PHACTR2: variants seen among roughly 807,000 people sequenced by gnomAD.
The protein encoded by PHACTR2 is phosphatase and actin regulator 2, also known as chromosome 6 open reading frame 56.
A neutral mutation model predicts 76.0 loss-of-function variants in PHACTR2; 30 were observed. The observed-to-expected ratio is 0.39, with a 90% CI of 0.30 to 0.54. The LOEUF is 0.54. Among genes scored for constraint, PHACTR2 ranks in the 20% least tolerant of loss-of-function variants. The probability of loss-of-function intolerance (pLI) is 0.61; values close to 1 mark genes in which losing one functional copy is unlikely to be tolerated. For missense variants in PHACTR2, 696 were observed against 781.1 expected (o/e 0.89, Z 1.30); for synonymous variants, 292 against 292.5 (o/e 1.00, Z 0.02).
At chr6:143,660,320 G>A (rs982183012) in intron 1 of PHACTR2, among the ~76,000 whole-genome samples, 2 of 152,122 alleles carry the variant, frequency 1.3e-5, no homozygotes, top group African/African-American at 4.8e-5. Flanking sequence ...CAGAAGGCAA[G>A]GAGGAGCAAG....
At chr6:143,566,359 T>A (rs531001220) in intron 1 of PHACTR2, among the ~76,000 whole-genome samples, 15 of 151,794 alleles carry the variant, frequency 9.9e-5, no homozygotes, top group African/African-American at 3.4e-4. Flanking sequence ...AGTGGTACAA[T>A]CGTAGCTCAC....
intron 1 of PHACTR2, among the ~76,000 whole-genome samples, chr6:143,564,195 G>GGATATATA (rs1562685628): frequency 3.2e-5 from 1 of 31,210 alleles, no homozygotes; most frequent in Non-Finnish European, 7.0e-5. Flanking sequence ...GTGTGTGTGT[G>GGATATATA]CATATATATA....
chr6:143,774,439 AC>A lies in PHACTR2; in HGVS notation c.1589+225del, dbSNP rs1775226958. ...CCAAAGCCTATTCCAGGAGTCAAAA[AC>A]TTTTTTTTAAAGACCAGTTGGCAAA... On this transcript the variant is annotated intron_variant, in intron 8 of 12. Coordinates refer to ENST00000440869, the MANE Select transcript of PHACTR2 (RefSeq NM_001100164.2). The surrounding 1 kb of genome is among the most constrained non-coding windows in gnomAD (Gnocchi z 5.4). Among the ~76,000 whole-genome samples, 1 of 152,116 alleles carries A rather than the reference AC, an allele frequency of 6.6e-6. No individual in the cohort carries two copies. Among genetic ancestry groups the A allele is most frequent in the Admixed American group, 6.5e-5 (1 of 15,276 alleles).
chr6:143,713,550 G>A (rs904874679), intron 2 of PHACTR2, among the ~76,000 whole-genome samples: 3 of 152,216 alleles, frequency 2.0e-5, no homozygotes, highest in African/African-American at 7.2e-5. Context: ...TCTGGGTTAG[G>A]AGGCAGTGAG....
chr6:143,700,864 G>A lies in PHACTR2; in HGVS notation c.47-11152G>A, dbSNP rs1421003989. ...TATGACTAACATCTACGGGGAACAA[G>A]ATAGGTTGTTGGTTGATTCCTGTCA... On this transcript the variant is annotated intron_variant, in intron 1 of 12. Coordinates refer to ENST00000440869, the MANE Select transcript of PHACTR2 (RefSeq NM_001100164.2). The surrounding 1 kb of genome is among the most constrained non-coding windows in gnomAD (Gnocchi z 4.1). Among the ~76,000 whole-genome samples, 2 of 152,226 alleles carry A rather than the reference G, an allele frequency of 1.3e-5. No individual in the cohort carries two copies. The highest frequency in any genetic ancestry group is 2.1e-4 in the South Asian group (1 of 4,834).
At chr6:143,727,910 C>T (rs1778609898) in intron 2 of PHACTR2, among the ~76,000 whole-genome samples, 1 of 152,110 alleles carries the variant, frequency 6.6e-6, no homozygotes, top group Non-Finnish European at 1.5e-5. Context: ...AAGTTAAAAG[C>T]CTTTCCTCTA....
chr6:143,810,548 C>T (rs1341876302), intron 12 of PHACTR2: 3 of 453,662 alleles, frequency 6.6e-6, no homozygotes, highest in Non-Finnish European at 1.3e-5. Flanking sequence ...CTTTATTGAT[C>T]ACTTATTTTT....
intron 1 of PHACTR2, among the ~76,000 whole-genome samples, chr6:143,538,088 C>G (rs1437009613): frequency 6.8e-6 from 1 of 147,560 alleles, no homozygotes; most frequent in Non-Finnish European, 1.5e-5. Flanking sequence ...AGTGAGACTC[C>G]GTCTTACACA....
At chr6:143,660,406 C>A (rs1776928402) in intron 1 of PHACTR2, among the ~76,000 whole-genome samples, 1 of 152,066 alleles carries the variant, frequency 6.6e-6, no homozygotes, top group African/African-American at 2.4e-5. Flanking sequence ...ACCATCAGAT[C>A]CATGAGACAT....
chr6:143,655,093 G>T (rs1486314660), intron 1 of PHACTR2, among the ~76,000 whole-genome samples: 1 of 148,672 alleles, frequency 6.7e-6, no homozygotes, highest in Non-Finnish European at 1.5e-5. Context: ...GGAGGCGGAG[G>T]TTGCGGTGAG....
In PHACTR2 at chr6:143,598,302, C is replaced by A. The variant is rs115474641; in HGVS notation, c.217+61095C>A. Reference sequence around the variant, plus strand: ...GTTAAAAGAGGAGAAGGCAATGTGACAATGAAGACAAATTTTGGAGCAATG... The same window carrying A: ...GTTAAAAGAGGAGAAGGCAATGTGAAAATGAAGACAAATTTTGGAGCAATG... On this transcript the variant is annotated intron_variant, in intron 1 of 11. Transcript: ENST00000367584. This position sits in a 1 kb window ranked among gnomAD's most constrained non-coding sequence, Gnocchi z 4.1. Among the ~76,000 whole-genome samples the A allele has an allele frequency of 0.011, 1,624 of 152,130 alleles. 28 individuals are homozygous for A. The highest frequency in any genetic ancestry group is 0.037 in the African/African-American group (1,525 of 41,480).
chr6:143,783,397 T>A lies in PHACTR2; in HGVS notation c.1707+117T>A. 1.7e-6 allele frequency: 1 copy of A among 597,492 alleles called. No individual in the cohort carries two copies. The highest frequency in any genetic ancestry group is 3.0e-6 in the Non-Finnish European group (1 of 338,132). The allele number at this position is 597,492 out of a possible 1,614,324, so 37.0% of individuals were successfully genotyped here. The stretch of plus-strand genomic sequence containing the variant: ...GTTTAGAAATAATTATTCCTATTAG[T>A]CTATAATCATAGACATCAAAATCAC... On this transcript the variant is annotated intron_variant, in intron 10 of 12. Coordinates refer to ENST00000440869, the MANE Select transcript of PHACTR2 (RefSeq NM_001100164.2). This position sits in a 1 kb window ranked among gnomAD's most constrained non-coding sequence, Gnocchi z 5.2.
rs1019807146 is a variant in PHACTR2, at chr6:143,689,418, C to T, written c.46+11209C>T. ...AATAGCTCTGTTTGGCCAGGTCATA[C>T]ATTAGTAGAGTAGTGGGAACTGAGT... On this transcript the variant is annotated intron_variant, in intron 1 of 12. Coordinates refer to ENST00000440869, the MANE Select transcript of PHACTR2 (RefSeq NM_001100164.2). The surrounding 1 kb of genome is among the most constrained non-coding windows in gnomAD (Gnocchi z 4.4). Among the ~76,000 whole-genome samples, 4 of 152,122 alleles carry T rather than the reference C, an allele frequency of 2.6e-5. No homozygotes were observed. The highest frequency in any genetic ancestry group is 4.4e-5 in the Non-Finnish European group (3 of 68,030).
intron 6 of PHACTR2, among the ~76,000 whole-genome samples, chr6:143,768,464 G>C (rs151261665): frequency 6.6e-6 from 1 of 152,136 alleles, no homozygotes; most frequent in Non-Finnish European, 1.5e-5. Flanking sequence ...ACTAGATTGG[G>C]TATACGGGAT....
rs887383762 is a variant in PHACTR2, at chr6:143,571,551, G to C, written c.217+34344G>C. Among the ~76,000 whole-genome samples the C allele has an allele frequency of 2.0e-5, 3 of 152,024 alleles. No homozygotes were observed. The highest frequency in any genetic ancestry group is 7.3e-5 in the African/African-American group (3 of 41,374). On this transcript the variant is annotated intron_variant, in intron 1 of 11. Coordinates refer to the PHACTR2 transcript ENST00000367584. This position sits in a 1 kb window ranked among gnomAD's most constrained non-coding sequence, Gnocchi z 4.6. ...AGCCTCCTGAGCAGCTGGGACTACAGGTGTGCACTGCCACACCTGGTTAAT... is the reference window on the plus strand; with the variant it reads ...AGCCTCCTGAGCAGCTGGGACTACACGTGTGCACTGCCACACCTGGTTAAT...
At position 143,602,854 on chromosome 6, in the gene PHACTR2, G is replaced by A. The variant is rs1296075651; in HGVS notation, c.217+65647G>A. 6.6e-6 allele frequency among the ~76,000 whole-genome samples: 1 copy of A among 152,138 alleles called. No homozygotes were observed. Among genetic ancestry groups the A allele is most frequent in the Non-Finnish European group, 1.5e-5 (1 of 68,016 alleles). On this transcript the variant is annotated intron_variant, in intron 1 of 11. Transcript: ENST00000367584. The surrounding 1 kb of genome is among the most constrained non-coding windows in gnomAD (Gnocchi z 6.1). ...CCTCTGCATTAAGATGGTAAAGAGG[G>A]TAAGTGTGGGCTGGGCACAGTGGCT...
rs147291380 is a variant in PHACTR2 at position 143,736,854 on chromosome 6, G to A, written c.215-12131G>A. The stretch of plus-strand genomic sequence containing the variant: ...CTCCCAAAGTGCTGGGATTACTGGC[G>A]TGAGCCAACACGTCCGGCCTACAAG... On this transcript the variant is annotated intron_variant, in intron 2 of 12. Transcript: ENST00000440869. Among the ~76,000 whole-genome samples the A allele has an allele frequency of 1.6e-3, 246 of 151,688 alleles. 3 individuals carry two copies. The highest frequency in any genetic ancestry group is 9.5e-3 in the East Asian group (49 of 5,166).
chr6:143,711,721 C>T (rs1012282595), intron 1 of PHACTR2: 1 of 585,896 alleles, frequency 1.7e-6, no homozygotes, highest in South Asian at 1.4e-5. Context: ...GGGGTTGTTG[C>T]AGATGGATTC....
rs2128428778 is a variant in PHACTR2, at chr6:143,558,871, A to C, written c.217+21664A>C. ...GATTAGGTAGCTCGAGGGCCCCTAA[A>C]CACCTCCCTGATGATTGACCAGCTG... On this transcript the variant is annotated intron_variant, in intron 1 of 11. Transcript: ENST00000367584. This position sits in a 1 kb window ranked among gnomAD's most constrained non-coding sequence, Gnocchi z 4.7. 6.6e-6 allele frequency among the ~76,000 whole-genome samples: 1 copy of C among 152,266 alleles called. No homozygotes were observed. Among genetic ancestry groups the C allele is most frequent in the South Asian group, 2.1e-4 (1 of 4,816 alleles).
Sources: gnomAD v4.1 joint callset for allele counts (sites outside exome capture counted in the v4.1 genomes callset) on GRCh38, gnomAD v4.1.1 for gene constraint, Gnocchi (gnomAD v3.1) non-coding constraint, MANE v1.5 for transcripts, NCBI Gene and HGNC (gene_info 2026-07-23, HGNC 2026-07-21) for gene names.